RRAGB: variants seen among roughly 807,000 people sequenced by gnomAD.
The protein encoded by RRAGB is Ras related GTP binding B, also known as ras-related GTP-binding protein B.
Under a neutral mutation model 29.3 loss-of-function variants are expected in RRAGB, and 6 were observed. The ratio of observed to expected loss-of-function variants is 0.21; its 90% CI spans 0.11 to 0.40. RRAGB has a LOEUF of 0.40. Ranked by LOEUF, RRAGB falls within the 10% of genes least tolerant of loss-of-function variation. The pLI is 1.00. For missense variants in RRAGB, 184 were observed against 272.9 expected, an observed-to-expected ratio of 0.67 and a Z score of 2.29; for synonymous variants, 101 against 92.5, an observed-to-expected ratio of 1.09 and a Z score of -0.53.
chrX:55,729,165 C>T, intron 3 of RRAGB, 129 bp from the exon 4 acceptor site: 1 of 471,139 alleles, frequency 2.1e-6, no homozygotes, highest in Non-Finnish European at 3.7e-6. Flanking sequence ...CTGAAAATCA[C>T]CTTCTTGTTG....
At chrX:55,752,438 C>A in intron 6 of RRAGB, 1 of 610,980 alleles carries the variant, frequency 1.6e-6, no homozygotes, top group Non-Finnish European at 2.0e-6. Flanking sequence ...GACCTGGGAA[C>A]TTGGAACCTG....
At position 55,729,304 on chromosome X, in the gene RRAGB, A is replaced by G. The variant is rs1249070166; in HGVS notation, c.237A>G (p.Glu79=). Residue 79 remains glutamate, a synonymous_variant, in exon 4 of 10, where the codon GAA becomes GAG. Transcript: ENST00000374941. The part of the protein sequence containing the change: ...TRRLGATIDV[E]HSHVRFLGNL... Reference sequence around the variant, plus strand: ...ATATTTGTCTTCCAGTTGATGTAGAACATTCTCATGTTCGATTTCTGGGAA... The same window carrying G: ...ATATTTGTCTTCCAGTTGATGTAGAGCATTCTCATGTTCGATTTCTGGGAA... The G allele has an allele frequency of 8.4e-7, 1 of 1,193,075 alleles. No individual in the cohort carries two copies. The highest frequency in any genetic ancestry group is 1.1e-6 in the Non-Finnish European group (1 of 879,440).
intron 5 of RRAGB, among the ~76,000 whole-genome samples, chrX:55,748,700 C>T (rs1457308818): frequency 3.7e-4 from 41 of 111,072 alleles, no homozygotes; most frequent in Admixed American, 9.3e-4. Flanking sequence ...AAGTGAGGAG[C>T]GTCTCCGCCC....
chrX:55,732,303 TG>T (rs1411970337), intron 5 of RRAGB, among the ~76,000 whole-genome samples: 1 of 112,284 alleles, frequency 8.9e-6, no homozygotes, highest in Non-Finnish European at 1.9e-5. Context: ...ATAGTCTAGC[TG>T]CAATATAGTC....
intron 4 of RRAGB, among the ~76,000 whole-genome samples, chrX:55,730,007 C>A (rs1289827417): frequency 8.9e-6 from 1 of 111,764 alleles, no homozygotes; most frequent in Non-Finnish European, 1.9e-5. Flanking sequence ...TTGGGTAAAT[C>A]ATTTAAACTC....
intron 5 of RRAGB, among the ~76,000 whole-genome samples, chrX:55,736,667 T>C (rs1024667006): frequency 2.9e-4 from 33 of 112,041 alleles, no homozygotes; most frequent in African/African-American, 1.0e-3. Context: ...TTTTCTCCCC[T>C]TGAGTATGTG....
chrX:55,754,045 CA>C (rs912152898), intron 7 of RRAGB, among the ~76,000 whole-genome samples: 1 of 108,879 alleles, frequency 9.2e-6, no homozygotes, highest in Non-Finnish European at 1.9e-5. Context: ...AACTCCATCT[CA>C]AAAAAAAAGA....
chrX:55,747,974 T>A (rs1351623878), intron 5 of RRAGB, among the ~76,000 whole-genome samples: 1 of 111,793 alleles, frequency 8.9e-6, no homozygotes, highest in Non-Finnish European at 1.9e-5. Context: ...CCTGCCTGAT[T>A]CTCCTGCCTC....
At chrX:55,723,906 T>C (rs1193753796) in intron 3 of RRAGB, among the ~76,000 whole-genome samples, 8 of 112,155 alleles carry the variant, frequency 7.1e-5, no homozygotes, top group Non-Finnish European at 1.5e-4. Flanking sequence ...TGTCCAGCTC[T>C]TCCATCTATT....
chrX:55,728,945 A>T (rs1306421707), intron 3 of RRAGB, among the ~76,000 whole-genome samples: 5 of 109,807 alleles, frequency 4.6e-5, no homozygotes, highest in African/African-American at 1.7e-4. Context: ...TTTTGTGTGT[A>T]TGTGAGGTTG....
intron 7 of RRAGB, chrX:55,755,307 A>G (rs1233440867): frequency 5.3e-6 from 4 of 751,473 alleles, no homozygotes; most frequent in Non-Finnish European, 4.7e-6. Flanking sequence ...AAAAGTTAGA[A>G]AAAGTATTTT....
At chrX:55,749,798 GT>G (rs1392668949) in intron 5 of RRAGB, among the ~76,000 whole-genome samples, 10 of 108,036 alleles carry the variant, frequency 9.3e-5, no homozygotes, top group African/African-American at 3.3e-4. Context: ...ATTAAGGGCG[GT>G]GCAAGATGTG....
intron 5 of RRAGB, among the ~76,000 whole-genome samples, chrX:55,740,214 T>G (rs758215367): frequency 2.4e-4 from 26 of 110,326 alleles, no homozygotes; most frequent in Non-Finnish European, 4.7e-4. Flanking sequence ...TCCCAGCTAC[T>G]CGGGAGGCTG....
intron 7 of RRAGB, among the ~76,000 whole-genome samples, chrX:55,754,747 A>G (rs2034615928): frequency 8.9e-6 from 1 of 112,101 alleles, no homozygotes; most frequent in Admixed American, 9.4e-5. Context: ...TGGAAATATT[A>G]TTTGTAACCC....
At chrX:55,745,093 T>C (rs1027250307) in intron 5 of RRAGB, among the ~76,000 whole-genome samples, 7 of 112,214 alleles carry the variant, frequency 6.2e-5, no homozygotes, top group African/African-American at 2.3e-4. Context: ...CCTGAGTTTT[T>C]GTCAGATTTC....
At chrX:55,748,619 ACCCT>A (rs1380854797) in intron 5 of RRAGB, among the ~76,000 whole-genome samples, 1 of 99,644 alleles carries the variant, frequency 1.0e-5, no homozygotes, top group Non-Finnish European at 2.0e-5. Flanking sequence ...AAGTGAGGAG[ACCCT>A]CCGCCTGGCA....
chrX:55,730,901 T>A (rs765875467), intron 4 of RRAGB, among the ~76,000 whole-genome samples: 1 of 110,375 alleles, frequency 9.1e-6, no homozygotes, highest in South Asian at 3.9e-4. Flanking sequence ...CCATGGGTAG[T>A]TTCTGTGAGG....
chrX:55,738,065 CCT>C (rs1263620218), intron 5 of RRAGB, among the ~76,000 whole-genome samples: 1 of 112,797 alleles, frequency 8.9e-6, no homozygotes, highest in Non-Finnish European at 1.9e-5. Flanking sequence ...ACTCCCACCT[CCT>C]CTGTCCGCAG....
chrX:55,754,930 T>C (rs1393964308), intron 7 of RRAGB: 1 of 152,329 alleles, frequency 6.6e-6, no homozygotes, highest in Non-Finnish European at 1.1e-5. Flanking sequence ...CTATTCTGTC[T>C]TGATGTACGT....
Sources: allele counts gnomAD v4.1 joint callset (sites outside exome capture counted in the v4.1 genomes callset), GRCh38; gene constraint gnomAD v4.1.1; transcripts MANE v1.5; gene names NCBI Gene and HGNC (gene_info 2026-07-23, HGNC 2026-07-21).